MAP3K13: variants seen among roughly 807,000 people sequenced by gnomAD.
MAP3K13 encodes the protein leucine zipper-bearing kinase.
A neutral mutation model predicts 104.0 loss-of-function variants in MAP3K13; 52 were observed. That is an observed-to-expected ratio of 0.50 (90% CI 0.40 to 0.63). The LOEUF is 0.63. MAP3K13 is among the 20% of genes least tolerant of loss of function. The probability of loss-of-function intolerance (pLI) is 0.00; values close to 1 mark genes in which losing one functional copy is unlikely to be tolerated. For missense variants in MAP3K13, 914 were observed against 1,218.5 expected (o/e 0.75, Z 3.72); for synonymous variants, 394 against 442.2 (o/e 0.89, Z 1.37).
At chr3:185,454,619 T>TACAC in intron 7 of MAP3K13, among the ~76,000 whole-genome samples, 1 of 51,150 alleles carries the variant, frequency 2.0e-5, no homozygotes, top group African/African-American at 5.2e-5. Flanking sequence ...ATATGATATA[T>TACAC]ATATGAGATA....
chr3:185,434,975 T>A (rs1714943585), intron 2 of MAP3K13, among the ~76,000 whole-genome samples: 2 of 152,066 alleles, frequency 1.3e-5, no homozygotes, highest in South Asian at 4.2e-4. Context: ...TGAGGTTTTT[T>A]TATTTTTGTT....
rs558354534 is a variant in MAP3K13 at position 185,363,598 on chromosome 3, T to C, written c.-86+230T>C. The stretch of plus-strand genomic sequence containing the variant: ...TCTGCCTGCTAGACGTGGACATTTT[T>C]CATTTACGGTTCTGCACGTTACCTC... On this transcript the variant is annotated intron_variant, in intron 1 of 13. Transcript: ENST00000265026. Among the ~76,000 whole-genome samples the C allele has an allele frequency of 7.4e-4, 113 of 152,344 alleles. 1 individual carries two copies. Among genetic ancestry groups the C allele is most frequent in the African/African-American group, 2.6e-3 (110 of 41,588 alleles).
chr3:185,304,141 G>A (rs4686576), intron 2 of MAP3K13, among the ~76,000 whole-genome samples: 104,696 of 152,120 alleles, frequency 0.69, 37,297 homozygotes, highest in Non-Finnish European at 0.78. Flanking sequence ...TCCTTTTGCT[G>A]TTGATTTCTC....
chr3:185,482,025 A>C lies in MAP3K13; in HGVS notation c.2800-330A>C, dbSNP rs931446082. Among the ~76,000 whole-genome samples, 1 of 152,256 alleles carries C rather than the reference A, an allele frequency of 6.6e-6. No individual in the cohort carries two copies. The highest frequency in any genetic ancestry group is 2.4e-5 in the African/African-American group (1 of 41,472). On this transcript the variant is annotated intron_variant, in intron 13 of 13. Coordinates refer to ENST00000265026, the MANE Select transcript of MAP3K13 (RefSeq NM_004721.5). This position sits in a 1 kb window ranked among gnomAD's most constrained non-coding sequence, Gnocchi z 4.5. ...CTTGAATCCGGGAGGCGGAGGTTGC[A>C]GCGAGCCAAGATCGTGCCACTGCAC...
At chr3:185,288,534 T>TGTGTGTG (rs57631600) in intron 2 of MAP3K13, among the ~76,000 whole-genome samples, 5,392 of 148,088 alleles carry the variant, frequency 0.036, 118 homozygotes, top group African/African-American at 0.052. Context: ...GTGTGTGTGT[T>TGTGTGTG]TGTGTGTATA....
intron 1 of MAP3K13, among the ~76,000 whole-genome samples, chr3:185,405,725 T>C (rs557881142): frequency 1.4e-3 from 209 of 152,370 alleles, no homozygotes; most frequent in Middle Eastern, 3.4e-3. Context: ...TCATAGTTGC[T>C]GCTTCCCTTG....
At chr3:185,286,614 T>G (rs1350667808) in intron 2 of MAP3K13, among the ~76,000 whole-genome samples, 1 of 152,178 alleles carries the variant, frequency 6.6e-6, no homozygotes, top group Non-Finnish European at 1.5e-5. Context: ...GGTGCAGAGA[T>G]GCAGATATGG....
intron 2 of MAP3K13, among the ~76,000 whole-genome samples, chr3:185,308,009 CTTTTTTTTTTTT>C (rs33949195): frequency 1.6e-4 from 5 of 31,574 alleles, no homozygotes; most frequent in South Asian, 1.9e-3. Context: ...TCTTTGGGGT[CTTTTTTTTTTTT>C]TTTTTTTTTT....
At chr3:185,291,475 T>C in intron 2 of MAP3K13, 1 of 848,370 alleles carries the variant, frequency 1.2e-6, no homozygotes, top group Non-Finnish European at 1.7e-6. Flanking sequence ...TTCTTTGTTT[T>C]TGATTTTCTC....
chr3:185,454,844 ATG>A (rs1278360257), intron 7 of MAP3K13, among the ~76,000 whole-genome samples: 3 of 95,930 alleles, frequency 3.1e-5, no homozygotes, highest in African/African-American at 3.8e-5. Flanking sequence ...TGATATATAT[ATG>A]AGATATATAC....
chr3:185,364,011 A>C (rs1392522455), intron 1 of MAP3K13, among the ~76,000 whole-genome samples: 1 of 152,236 alleles, frequency 6.6e-6, no homozygotes, highest in Non-Finnish European at 1.5e-5. Context: ...ATTCGAGGGA[A>C]AGGGGGAATT....
At position 185,398,767 on chromosome 3, in the gene MAP3K13, T is replaced by C. The variant is rs139501763; in HGVS notation, c.-85-29730T>C. Among the ~76,000 whole-genome samples the C allele has an allele frequency of 2.6e-3, 396 of 152,338 alleles. 4 individuals are homozygous for C. The highest frequency in any genetic ancestry group is 8.9e-3 in the African/African-American group (371 of 41,580). On this transcript the variant is annotated intron_variant, in intron 1 of 13. Coordinates refer to ENST00000265026, the MANE Select transcript of MAP3K13 (RefSeq NM_004721.5). The stretch of plus-strand genomic sequence containing the variant: ...CGTATGCACTCATTTCTTCTATTCC[T>C]TGCAGATTATGTTGAATCAGACTCA...
chr3:185,292,841 C>T (rs2108674246), intron 2 of MAP3K13: 1 of 983,912 alleles, frequency 1.0e-6, no homozygotes, highest in Non-Finnish European at 1.2e-6. Flanking sequence ...TATAGCTTAG[C>T]ATTGTCAATG....
intron 2 of MAP3K13, among the ~76,000 whole-genome samples, chr3:185,334,922 T>C (rs1722423540): frequency 6.6e-6 from 1 of 152,060 alleles, no homozygotes; most frequent in Admixed American, 6.6e-5. Context: ...AAATGGATTT[T>C]CTTATAGGGG....
upstream of MAP3K13, among the ~76,000 whole-genome samples, chr3:185,361,694 T>C (rs1396346530): frequency 6.6e-6 from 1 of 152,216 alleles, no homozygotes; most frequent in Non-Finnish European, 1.5e-5. Context: ...TGAGCCACCG[T>C]GCCTTGCATG....
intron 2 of MAP3K13, among the ~76,000 whole-genome samples, chr3:185,354,609 G>C (rs1168634747): frequency 2.6e-4 from 1 of 3,778 alleles, no homozygotes; most frequent in Non-Finnish European, 1.0e-3. Context: ...TTATAAGTAT[G>C]GGGGGGGGGC....
upstream of MAP3K13, among the ~76,000 whole-genome samples, chr3:185,358,426 A>T (rs982326358): frequency 6.6e-6 from 1 of 152,174 alleles, no homozygotes; most frequent in Non-Finnish European, 1.5e-5. Flanking sequence ...AATCTTCCTT[A>T]TAATAATTTT....
At chr3:185,335,105 A>G (rs1722433910) in intron 2 of MAP3K13, among the ~76,000 whole-genome samples, 1 of 152,154 alleles carries the variant, frequency 6.6e-6, no homozygotes, top group African/African-American at 2.4e-5. Context: ...AGCACTAACC[A>G]TAATAGTACA....
rs545416651 is a variant in MAP3K13 at position 185,380,202 on chromosome 3, C to CAAAACAAAACAAAACA, written c.-86+16838_-86+16839insCAAAACAAAACAAAAA. Among the ~76,000 whole-genome samples, 4 of 150,498 alleles carry CAAAACAAAACAAAACA rather than the reference C, an allele frequency of 2.7e-5. 1 individual carries two copies. The South Asian group carries it at 6.3e-4, about 24-fold the overall frequency. On this transcript the variant is annotated intron_variant, in intron 1 of 13. Coordinates refer to ENST00000265026, the MANE Select transcript of MAP3K13 (RefSeq NM_004721.5). Reference sequence around the variant, plus strand: ...CTCCGTCTCAAAAAACAAAACAAAACAAAAAAACAGAAGAAGTGCTCATTC... The same window carrying CAAAACAAAACAAAACA: ...CTCCGTCTCAAAAAACAAAACAAAACAAAACAAAACAAAACAAAAAAAACAGAAGAAGTGCTCATTC...
Sources: gnomAD v4.1 joint callset for allele counts (sites outside exome capture counted in the v4.1 genomes callset) on GRCh38, gnomAD v4.1.1 for gene constraint, Gnocchi (gnomAD v3.1) non-coding constraint, MANE v1.5 for transcripts, NCBI Gene and HGNC (gene_info 2026-07-23, HGNC 2026-07-21) for gene names.